Variants in DISP1 observed in about 807,000 individuals in gnomAD.
The protein encoded by DISP1 is protein dispatched homolog 1.
Under a neutral mutation model 37.3 loss-of-function variants are expected in DISP1, and 30 were observed. The observed-to-expected ratio is 0.80, with a 90% CI of 0.60 to 1.09. DISP1 has a LOEUF of 1.09. Ranked by LOEUF, DISP1 falls within the 50% of genes least tolerant of loss-of-function variation. The pLI is 0.00. For synonymous variants in DISP1, 634 were observed against 690.2 expected, an observed-to-expected ratio of 0.92 and a Z score of 1.28; for missense variants, 1,598 against 1,879.5, an observed-to-expected ratio of 0.85 and a Z score of 2.77.
chr1:222,989,117 G>T (rs975101227), intron 4 of DISP1, among the ~76,000 whole-genome samples: 1 of 152,100 alleles, frequency 6.6e-6, no homozygotes, highest in Non-Finnish European at 1.5e-5. Flanking sequence ...ATAAAAATTG[G>T]CAGTCTATTA....
At chr1:222,853,185 C>G (rs1057263962) in intron 1 of DISP1, among the ~76,000 whole-genome samples, 2 of 152,180 alleles carry the variant, frequency 1.3e-5, no homozygotes, top group African/African-American at 4.8e-5. Context: ...CAGAAAAGAA[C>G]TACCAGGCTC....
intron 1 of DISP1, among the ~76,000 whole-genome samples, chr1:222,901,154 A>G (rs1333255078): frequency 6.6e-6 from 1 of 152,192 alleles, no homozygotes; most frequent in Non-Finnish European, 1.5e-5. Context: ...TCTGATGGTG[A>G]TAAGTTGTGG....
chr1:222,992,957 G>A (rs1323576821), intron 7 of DISP1, among the ~76,000 whole-genome samples: 1 of 145,640 alleles, frequency 6.9e-6, no homozygotes, highest in Admixed American at 7.4e-5. Context: ...CATCTCCCAG[G>A]TTCAAGCGAT....
chr1:222,837,350 T>A (rs1572294601), intron 1 of DISP1: 1 of 339,536 alleles, frequency 2.9e-6, no homozygotes. Context: ...TTTGTACTGT[T>A]ATGTGAGAGA....
chr1:222,994,766 G>T, intron 7 of DISP1, 119 bp from the exon 8 acceptor site: 2 of 712,246 alleles, frequency 2.8e-6, no homozygotes, highest in Non-Finnish European at 4.8e-6. Flanking sequence ...AGAATTTCCT[G>T]CTGCTAATGA....
intron 1 of DISP1, among the ~76,000 whole-genome samples, chr1:222,838,461 A>T (rs1190902450): frequency 6.6e-6 from 1 of 151,884 alleles, no homozygotes; most frequent in Non-Finnish European, 1.5e-5. Flanking sequence ...ATATTTTTTA[A>T]TTTACTGCTC....
At chr1:222,916,678 G>A (rs547011259) in intron 1 of DISP1, among the ~76,000 whole-genome samples, 32 of 152,218 alleles carry the variant, frequency 2.1e-4, no homozygotes, top group African/African-American at 7.0e-4. Flanking sequence ...CTAACAACAC[G>A]TCTGTGTTGG....
intron 4 of DISP1, chr1:222,989,631 T>C (rs923850898): frequency 1.1e-6 from 1 of 879,608 alleles, no homozygotes; most frequent in African/African-American, 1.8e-5. Context: ...AACCAGATTG[T>C]AGTAGCTGGA....
intron 1 of DISP1, among the ~76,000 whole-genome samples, chr1:222,912,100 C>A (rs1042395210): frequency 7.2e-5 from 11 of 152,034 alleles, no homozygotes; most frequent in Non-Finnish European, 1.5e-4. Flanking sequence ...CCCAGAAGTA[C>A]CTTATTTTTC....
chr1:222,990,587 T>G (rs1344662835), intron 4 of DISP1, 38 bp from the exon 5 acceptor site: 2 of 1,613,534 alleles, frequency 1.2e-6, no homozygotes, highest in Admixed American at 1.7e-5. Context: ...TCTGTAGTTA[T>G]GCAGCTCTGA....
intron 3 of DISP1, chr1:222,979,886 T>C (rs1388535367): frequency 5.2e-6 from 1 of 193,848 alleles, no homozygotes; most frequent in Non-Finnish European, 1.1e-5. Flanking sequence ...CTTGTTTTGG[T>C]AATTATGTTA....
At chr1:222,967,628 C>T (rs1477309793) in intron 3 of DISP1, among the ~76,000 whole-genome samples, 1 of 152,112 alleles carries the variant, frequency 6.6e-6, no homozygotes, top group Non-Finnish European at 1.5e-5. Flanking sequence ...CCCTTGGATT[C>T]TACATATATA....
At chr1:222,920,052 T>C (rs879442892) in intron 1 of DISP1, among the ~76,000 whole-genome samples, 1 of 152,166 alleles carries the variant, frequency 6.6e-6, no homozygotes, top group Non-Finnish European at 1.5e-5. Context: ...TTTTGGAAAA[T>C]TAGTTTGCAT....
At chr1:222,836,835 G>A in intron 1 of DISP1, 1 of 347,466 alleles carries the variant, frequency 2.9e-6, no homozygotes, top group Admixed American at 4.7e-5. Flanking sequence ...TCCAGAGACA[G>A]AAGAGGAGTT....
intron 1 of DISP1, among the ~76,000 whole-genome samples, chr1:222,861,817 T>C (rs932196700): frequency 6.6e-6 from 1 of 152,212 alleles, no homozygotes; most frequent in East Asian, 1.9e-4. Flanking sequence ...TATTAACAAC[T>C]CATTTTTTAA....
chr1:222,915,436 C>A (rs554807704), intron 1 of DISP1, among the ~76,000 whole-genome samples: 2 of 152,262 alleles, frequency 1.3e-5, no homozygotes, highest in African/African-American at 4.8e-5. Context: ...GAGTGTATAA[C>A]ATTCCTTCAG....
At chr1:222,921,943 T>A (rs1446677483) in intron 1 of DISP1, among the ~76,000 whole-genome samples, 1 of 152,206 alleles carries the variant, frequency 6.6e-6, no homozygotes, top group East Asian at 1.9e-4. Context: ...AGGTCATGTA[T>A]GTAACTTAGA....
chr1:222,976,902 AAAAAATGGGATTG>A (rs147351542), intron 3 of DISP1, among the ~76,000 whole-genome samples: 4,100 of 152,324 alleles, frequency 0.027, 95 homozygotes, highest in South Asian at 0.1. Flanking sequence ...TGCATAAGTG[AAAAAATGGGATTG>A]AAAAATTAAG....
At chr1:222,885,469 CTTTT>C (rs759594613) in intron 1 of DISP1, among the ~76,000 whole-genome samples, 2 of 132,844 alleles carry the variant, frequency 1.5e-5, no homozygotes, top group African/African-American at 2.8e-5. Context: ...GATTTCTTTT[CTTTT>C]TTTTTTTTTT....
Sources: gnomAD v4.1 joint callset for allele counts (sites outside exome capture counted in the v4.1 genomes callset) on GRCh38, gnomAD v4.1.1 for gene constraint, MANE v1.5 for transcripts, NCBI Gene and HGNC (gene_info 2026-07-23, HGNC 2026-07-21) for gene names.